Variants in DCDC1 observed in about 807,000 individuals in gnomAD.
DCDC1 encodes doublecortin domain containing 1.
In DCDC1, 200 loss-of-function variants were observed where a neutral mutation model predicts 178.3. The observed-to-expected ratio is 1.12, with a 90% confidence interval of 1.00 to 1.26. The LOEUF is 1.26. Ranked by LOEUF, DCDC1 falls within the 50% of genes most tolerant of loss-of-function variation. The pLI, the probability that DCDC1 is intolerant of heterozygous loss-of-function variation, is 0.00. For synonymous variants in DCDC1, 690 were observed against 604.8 expected, an observed-to-expected ratio of 1.14 and a Z score of -2.07; for missense variants, 1,983 against 1,749.2, an observed-to-expected ratio of 1.13 and a Z score of -2.38.
intron 12 of DCDC1, among the ~76,000 whole-genome samples, chr11:31,108,331 A>C (rs1210238918): frequency 6.6e-6 from 1 of 152,206 alleles, no homozygotes; most frequent in Non-Finnish European, 1.5e-5. Context: ...CAAAGGTGTT[A>C]GAATAGTAAA....
At chr11:31,035,400 A>T (rs969835112) in intron 20 of DCDC1, among the ~76,000 whole-genome samples, 12 of 152,202 alleles carry the variant, frequency 7.9e-5, no homozygotes, top group African/African-American at 2.7e-4. Flanking sequence ...GTCTCCTCTG[A>T]CCTGTGATAA....
At chr11:31,210,058 T>C (rs1328464888) in intron 9 of DCDC1, among the ~76,000 whole-genome samples, 2 of 152,030 alleles carry the variant, frequency 1.3e-5, no homozygotes, top group Admixed American at 1.3e-4. Context: ...ACATGGGGGG[T>C]ATCCGATAAA....
chr11:31,069,805 G>A (rs1320354260), intron 18 of DCDC1, among the ~76,000 whole-genome samples: 2 of 152,254 alleles, frequency 1.3e-5, no homozygotes, highest in African/African-American at 4.8e-5. Context: ...CTAGAAAGAA[G>A]ATGTACATGG....
chr11:31,356,761 ACT>A (rs1413519519), intron 1 of DCDC1, among the ~76,000 whole-genome samples: 4 of 150,314 alleles, frequency 2.7e-5, no homozygotes, highest in African/African-American at 9.8e-5. Context: ...GGATATCACC[ACT>A]GATCCCACAG....
intron 9 of DCDC1, among the ~76,000 whole-genome samples, chr11:31,240,184 T>G (rs1213598670): frequency 6.6e-6 from 1 of 152,000 alleles, no homozygotes; most frequent in East Asian, 1.9e-4. Flanking sequence ...TATAATATCA[T>G]GATATCTTAA....
At chr11:30,872,602 T>C (rs971236635) in intron 38 of DCDC1, among the ~76,000 whole-genome samples, 5 of 152,170 alleles carry the variant, frequency 3.3e-5, no homozygotes, top group African/African-American at 9.7e-5. Context: ...AGCTTGAGCA[T>C]GCCACGCTCT....
intron 20 of DCDC1, among the ~76,000 whole-genome samples, chr11:31,037,057 A>G (rs1175364595): frequency 2.0e-5 from 3 of 152,194 alleles, no homozygotes; most frequent in Admixed American, 2.0e-4. Context: ...TAGCACCTAC[A>G]TGTTTAACCA....
At chr11:30,946,506 G>A (rs1565109722) in intron 21 of DCDC1, among the ~76,000 whole-genome samples, 1 of 152,092 alleles carries the variant, frequency 6.6e-6, no homozygotes, top group Non-Finnish European at 1.5e-5. Context: ...ATGTTTTCCA[G>A]ACTGTTGCTT....
intron 36 of DCDC1, among the ~76,000 whole-genome samples, chr11:30,884,033 A>ATTTTTTTTTTTTTTT (rs59940255): frequency 0.13 from 12,055 of 94,466 alleles, 2,663 homozygotes; most frequent in Non-Finnish European, 0.16. Flanking sequence ...ATTCTTTCTC[A>ATTTTTTTTTTTTTTT]TTTTTTTTTT....
chr11:30,959,378 A>G (rs1463745399), intron 20 of DCDC1, among the ~76,000 whole-genome samples: 1 of 151,960 alleles, frequency 6.6e-6, no homozygotes, highest in Non-Finnish European at 1.5e-5. Context: ...GCTCAGCCCC[A>G]TTCTCCTCCC....
At chr11:30,873,655 G>C (rs1176935669) in intron 38 of DCDC1, among the ~76,000 whole-genome samples, 2 of 152,092 alleles carry the variant, frequency 1.3e-5, no homozygotes, top group Non-Finnish European at 2.9e-5. Flanking sequence ...ACTAGACTTA[G>C]GGCAAACAGA....
intron 6 of DCDC1, among the ~76,000 whole-genome samples, chr11:31,298,430 G>C (rs975753402): frequency 6.6e-6 from 1 of 152,112 alleles, no homozygotes; most frequent in South Asian, 2.1e-4. Context: ...TGCAGGTGGT[G>C]ACTGGACTCT....
chr11:30,920,777 G>T lies in DCDC1; in HGVS notation c.3292C>A (p.Leu1098Ile), dbSNP rs756885087. The T allele has an allele frequency of 1.2e-6, 2 of 1,613,280 alleles. No individual in the cohort carries two copies. The highest frequency in any genetic ancestry group is 1.1e-5 in the South Asian group (1 of 90,912). ...TTTCAGGCTACACTGATTACTTACA[G>T]AATTTCACTGGAAGCATTTTCCGTT... ...LTTENASSEI[L>I]DSHVRAHLRM... Residue 1098 changes from leucine (L) to isoleucine (I), a missense_variant and splice_region_variant, in exon 25 of 39, where the codon CTA (leucine) becomes ATA (isoleucine). Coordinates refer to ENST00000684477, the MANE Select transcript of DCDC1 (RefSeq NM_001387274.1).
At chr11:30,897,541 C>T (rs2134086109) in intron 34 of DCDC1, among the ~76,000 whole-genome samples, 1 of 141,040 alleles carries the variant, frequency 7.1e-6, no homozygotes, top group African/African-American at 2.6e-5. Flanking sequence ...TGAGATCGCA[C>T]CGCTGGACTC....
chr11:30,938,854 T>C (rs1022851028), intron 21 of DCDC1, among the ~76,000 whole-genome samples: 3 of 152,136 alleles, frequency 2.0e-5, no homozygotes, highest in Non-Finnish European at 2.9e-5. Context: ...GGGGGCCACG[T>C]TGGCTCCCTC....
intron 20 of DCDC1, among the ~76,000 whole-genome samples, chr11:31,016,028 A>C (rs1416811931): frequency 6.6e-6 from 1 of 152,226 alleles, no homozygotes; most frequent in Non-Finnish European, 1.5e-5. Flanking sequence ...AGGATTTAGA[A>C]GGGAAAACAA....
In DCDC1 at chr11:31,311,621, A is replaced by G. The variant is rs1948776348; in HGVS notation, c.165-3713T>C. On this transcript the variant is annotated intron_variant, in intron 3 of 38. Transcript: ENST00000684477. ...CCCAGTCTCTGGACCATCTGGCCCA[A>G]CAGTCTATGTCAATGTTGGCCCAAA... Among the ~76,000 whole-genome samples, 6 of 152,198 alleles carry G rather than the reference A, an allele frequency of 3.9e-5. No individual in the cohort carries two copies. The South Asian group carries it at 1.2e-3, about 31-fold the overall frequency.
rs150079177 is a variant in DCDC1 at position 30,931,814 on chromosome 11, C to T, written c.2854G>A (p.Val952Ile). 239 of 1,612,622 alleles carry T rather than the reference C, an allele frequency of 1.5e-4. No individual in the cohort carries two copies. Among genetic ancestry groups the T allele is most frequent in the African/African-American group, 1.4e-3 (105 of 74,950 alleles). The change falls in exon 22 of 39, where the codon GTT becomes ATT. Residue 952 changes from valine to isoleucine, a missense_variant. Coordinates refer to ENST00000684477, the MANE Select transcript of DCDC1 (RefSeq NM_001387274.1). The part of the protein sequence containing the change: ...QNGEKNKNRS[V>I]TILGPDISPG... The stretch of plus-strand genomic sequence containing the variant: ...GAGATATCTGGACCAAGGATAGTAA[C>T]GGATCTGTTTTTATTCTTCTCTCCA...
chr11:30,894,116 T>G, intron 35 of DCDC1, 132 bp downstream of exon 35: 1 of 1,246,090 alleles, frequency 8.0e-7, no homozygotes. Flanking sequence ...ATGCTTGGCA[T>G]ATGCTTATAT....
Sources: allele counts gnomAD v4.1 joint callset (sites outside exome capture counted in the v4.1 genomes callset), GRCh38; gene constraint gnomAD v4.1.1; transcripts MANE v1.5; gene names NCBI Gene and HGNC (gene_info 2026-07-23, HGNC 2026-07-21).